WDR72: variants seen among roughly 807,000 people sequenced by gnomAD.
The protein encoded by WDR72 is WD repeat domain 72.
In WDR72, 120 loss-of-function variants were observed where a neutral mutation model predicts 124.2. The ratio of observed to expected loss-of-function variants is 0.97; its 90% CI spans 0.83 to 1.12. The LOEUF (loss-of-function observed/expected upper bound fraction) is 1.12, where lower values mean the gene tolerates loss of function less well. WDR72 is among the 50% of genes most tolerant of loss of function. The pLI is 0.00. For synonymous variants in WDR72, 452 were observed against 441.7 expected, an observed-to-expected ratio of 1.02 and a Z score of -0.29; for missense variants, 1,387 against 1,278.8, an observed-to-expected ratio of 1.08 and a Z score of -1.29.
chr15:53,707,456 T>TC (rs1048760129), intron 9 of WDR72, among the ~76,000 whole-genome samples: 1 of 151,356 alleles, frequency 6.6e-6, no homozygotes, highest in Non-Finnish European at 1.5e-5. Context: ...TAAATGAATT[T>TC]TTTTTTTTGA....
chr15:53,532,652 G>T (rs534652364), intron 18 of WDR72, among the ~76,000 whole-genome samples: 80 of 152,120 alleles, frequency 5.3e-4, no homozygotes, highest in Admixed American at 1.2e-3. Context: ...AGTGGGAAGC[G>T]GGGGATAAGA....
chr15:53,675,414 C>T (rs980032686), intron 13 of WDR72, among the ~76,000 whole-genome samples: 3 of 151,584 alleles, frequency 2.0e-5, no homozygotes, highest in Admixed American at 6.6e-5. Flanking sequence ...ATACAATTTA[C>T]AACCAATTTA....
chr15:53,582,631 G>A (rs573824797), intron 18 of WDR72, among the ~76,000 whole-genome samples: 1 of 152,008 alleles, frequency 6.6e-6, no homozygotes, highest in East Asian at 1.9e-4. Context: ...ATATTTAATA[G>A]ATGATTTAAT....
At chr15:53,711,201 G>C in intron 8 of WDR72, 135 bp downstream of exon 8, 1 of 1,297,602 alleles carries the variant, frequency 7.7e-7, no homozygotes, top group Non-Finnish European at 1.1e-6. Context: ...CAAGCCCAGA[G>C]TAAATCTTCT....
intron 13 of WDR72, among the ~76,000 whole-genome samples, chr15:53,696,190 G>C (rs145327567): frequency 6.6e-6 from 1 of 152,272 alleles, no homozygotes; most frequent in African/African-American, 2.4e-5. Flanking sequence ...CAGAGTGCTG[G>C]AGAAATGAAA....
chr15:53,741,618 C>G (rs1567059494), intron 1 of WDR72, among the ~76,000 whole-genome samples: 1 of 152,096 alleles, frequency 6.6e-6, no homozygotes, highest in African/African-American at 2.4e-5. Context: ...CATTATATTA[C>G]CTTGCATATT....
chr15:53,686,066 A>C (rs2016610297), intron 13 of WDR72, among the ~76,000 whole-genome samples: 1 of 150,184 alleles, frequency 6.7e-6, no homozygotes, highest in Non-Finnish European at 1.5e-5. Context: ...GGAAGTGCTA[A>C]ACATGGAAAG....
chr15:53,688,872 G>C (rs2016739843), intron 13 of WDR72, among the ~76,000 whole-genome samples: 3 of 151,970 alleles, frequency 2.0e-5, no homozygotes, highest in African/African-American at 7.3e-5. Flanking sequence ...CAGAGATATA[G>C]ATCAATGGAA....
chr15:53,541,435 G>C (rs368294930), intron 18 of WDR72, among the ~76,000 whole-genome samples: 3 of 151,596 alleles, frequency 2.0e-5, no homozygotes, highest in Middle Eastern at 3.4e-3. Flanking sequence ...TGAGGGTCCT[G>C]TCTGTTAGAA....
Position 53,705,953 on chromosome 15 carries a change from A to G in WDR72, c.1076T>C (p.Val359Ala), listed in dbSNP as rs2017340567. 1 of 1,614,036 alleles carries G rather than the reference A, an allele frequency of 6.2e-7. No individual in the cohort carries two copies. The highest frequency in any genetic ancestry group is 8.5e-7 in the Non-Finnish European group (1 of 1,180,020). The change falls in exon 10 of 20, where the codon GTA becomes GCA. Residue 359 changes from valine (V) to alanine (A), a missense_variant. Val to Ala is a moderately conservative substitution (Grantham distance 64, BLOSUM62 0). Coordinates refer to ENST00000360509, the MANE Select transcript of WDR72 (RefSeq NM_182758.4). ...ITLWHIPDVP[V>A]SKFDGSPREI... is the part of the protein sequence containing the mutation. The stretch of plus-strand genomic sequence containing the variant: ...TCTAGGAGAACCATCAAACTTGGAT[A>G]CAGGAACATCAGGGATGTGCCACAA...
rs535385656 is a variant in WDR72, at chr15:53,533,434, T to C, written c.3149-10112A>G. On this transcript the variant is annotated intron_variant, in intron 18 of 19. Coordinates refer to ENST00000360509, the MANE Select transcript of WDR72 (RefSeq NM_182758.4). The stretch of plus-strand genomic sequence containing the variant: ...ACCAGAATCACTCCTCTATTTTAAT[T>C]ATCCAATAATAGGTATCTTTCCCTC... 2.7e-5 allele frequency among the ~76,000 whole-genome samples: 4 copies of C among 145,754 alleles called. No individual in the cohort carries two copies. The South Asian group carries it at 9.1e-4, about 33-fold the overall frequency.
At chr15:53,601,670 G>A (rs1310154310) in intron 17 of WDR72, among the ~76,000 whole-genome samples, 1 of 151,902 alleles carries the variant, frequency 6.6e-6, no homozygotes, top group African/African-American at 2.4e-5. Context: ...TGGAAAAAAG[G>A]AAAAAGCAGG....
chr15:53,743,320 G>A (rs1260382795), intron 1 of WDR72, among the ~76,000 whole-genome samples: 2 of 151,696 alleles, frequency 1.3e-5, no homozygotes, highest in Non-Finnish European at 2.9e-5. Context: ...TATACATAAC[G>A]ATGAAATAAA....
At position 53,610,460 on chromosome 15, in the gene WDR72, C is replaced by T. The variant is rs535550135; in HGVS notation, c.2873-868G>A. 7.5e-4 allele frequency among the ~76,000 whole-genome samples: 114 copies of T among 151,884 alleles called. No homozygotes were observed. In the Middle Eastern group the frequency reaches 0.01, roughly 14 times the overall value. Reference sequence around the variant, plus strand: ...GCGGAAAAGTTGTTACTATAATTGTCTACTTAAATTAATATATTGATATAT... The same window carrying T: ...GCGGAAAAGTTGTTACTATAATTGTTTACTTAAATTAATATATTGATATAT... On this transcript the variant is annotated intron_variant, in intron 16 of 19. Transcript: ENST00000360509.
chr15:53,758,020 G>A (rs185479189), intron 1 of WDR72, among the ~76,000 whole-genome samples: 215 of 150,466 alleles, frequency 1.4e-3, no homozygotes, highest in African/African-American at 5.2e-3. Flanking sequence ...TTTCTCTTTT[G>A]AGACAGGGTC....
chr15:53,682,245 T>C (rs926950244), intron 13 of WDR72, among the ~76,000 whole-genome samples: 1 of 152,194 alleles, frequency 6.6e-6, no homozygotes, highest in Non-Finnish European at 1.5e-5. Flanking sequence ...AACAATTACA[T>C]AATTTCACCA....
At chr15:53,521,625 G>A (rs923305541) in intron 19 of WDR72, among the ~76,000 whole-genome samples, 6 of 151,958 alleles carry the variant, frequency 3.9e-5, no homozygotes, top group African/African-American at 1.4e-4. Flanking sequence ...GATAGAGAAT[G>A]TTATATTTGA....
chr15:53,669,582 G>A (rs906999901), intron 13 of WDR72, among the ~76,000 whole-genome samples: 1 of 151,674 alleles, frequency 6.6e-6, no homozygotes, highest in African/African-American at 2.4e-5. Context: ...TTTTTTTCCT[G>A]ATTAAACCCT....
At chr15:53,694,140 C>G (rs781311155) in intron 13 of WDR72, among the ~76,000 whole-genome samples, 1 of 152,136 alleles carries the variant, frequency 6.6e-6, no homozygotes, top group Non-Finnish European at 1.5e-5. Flanking sequence ...CCCAGCAGTA[C>G]CTGGGAAGAA....
Sources: gnomAD v4.1 joint callset for allele counts (sites outside exome capture counted in the v4.1 genomes callset) on GRCh38, gnomAD v4.1.1 for gene constraint, MANE v1.5 for transcripts, NCBI Gene and HGNC (gene_info 2026-07-23, HGNC 2026-07-21) for gene names.